EYA2: variants seen among roughly 807,000 people sequenced by gnomAD.
EYA2 encodes the protein protein phosphatase EYA2.
Under a neutral mutation model 69.2 loss-of-function variants are expected in EYA2, and 31 were observed. The observed-to-expected ratio is 0.45, with a 90% CI of 0.34 to 0.60. EYA2 has a LOEUF of 0.60. EYA2 is among the 20% of genes least tolerant of loss of function. The pLI, the probability that EYA2 is intolerant of heterozygous loss-of-function variation, is 0.02. For synonymous variants in EYA2, 257 were observed against 279.4 expected (o/e 0.92, Z 0.80); for missense variants, 622 against 701.2 (o/e 0.89, Z 1.28).
At chr20:46,908,794 C>T (rs758536189) in intron 1 of EYA2, among the ~76,000 whole-genome samples, 8 of 149,336 alleles carry the variant, frequency 5.4e-5, no homozygotes, top group Non-Finnish European at 8.9e-5. Flanking sequence ...TCATAGTGTA[C>T]GATCCCTCTC....
At chr20:46,898,413 A>G (rs1460077442) in intron 1 of EYA2, among the ~76,000 whole-genome samples, 1 of 151,790 alleles carries the variant, frequency 6.6e-6, no homozygotes, top group Non-Finnish European at 1.5e-5. Flanking sequence ...ACACACACAC[A>G]CACACACACA....
At chr20:46,994,698 T>G (rs1981901003) in intron 2 of EYA2, among the ~76,000 whole-genome samples, 1 of 152,078 alleles carries the variant, frequency 6.6e-6, no homozygotes, top group African/African-American at 2.4e-5. Context: ...CCTTTAAGGC[T>G]TTTGTAGCCG....
intron 1 of EYA2, among the ~76,000 whole-genome samples, chr20:46,902,849 C>T (rs1014450934): frequency 2.6e-5 from 4 of 152,184 alleles, no homozygotes; most frequent in Non-Finnish European, 5.9e-5. Flanking sequence ...CAGGGTTGAA[C>T]AGCCGTACTA....
intron 5 of EYA2, among the ~76,000 whole-genome samples, chr20:47,029,231 G>C (rs1390889120): frequency 6.6e-6 from 1 of 152,222 alleles, no homozygotes; most frequent in East Asian, 1.9e-4. Flanking sequence ...GATGTGTCCT[G>C]TCTCAGCCAC....
At chr20:46,980,083 G>C (rs1460432427) in intron 1 of EYA2, among the ~76,000 whole-genome samples, 1 of 152,154 alleles carries the variant, frequency 6.6e-6, no homozygotes, top group African/African-American at 2.4e-5. Flanking sequence ...AGTTGAAATT[G>C]TGATCCAGAG....
chr20:46,897,515 G>A (rs1207154499), intron 1 of EYA2, among the ~76,000 whole-genome samples: 3 of 152,186 alleles, frequency 2.0e-5, no homozygotes, highest in Non-Finnish European at 2.9e-5. Flanking sequence ...AAATCCAACC[G>A]TAACCAGCTC....
chr20:46,956,045 C>T (rs752372900), intron 1 of EYA2, among the ~76,000 whole-genome samples: 2 of 152,234 alleles, frequency 1.3e-5, no homozygotes, highest in Non-Finnish European at 2.9e-5. Flanking sequence ...CAGGCTATAA[C>T]TTGCCAACCC....
At chr20:47,143,242 T>G (rs1331719140) in intron 10 of EYA2, 94 bp downstream of exon 10, 9 of 1,090,536 alleles carry the variant, frequency 8.3e-6, no homozygotes, top group South Asian at 3.4e-5. Flanking sequence ...TTTCTTTTTC[T>G]TTTTCTTTTT....
At chr20:46,980,485 A>T (rs1265288833) in intron 1 of EYA2, among the ~76,000 whole-genome samples, 1 of 152,142 alleles carries the variant, frequency 6.6e-6, no homozygotes, top group Admixed American at 6.5e-5. Context: ...TTTTTTATTG[A>T]TACATAATAG....
At chr20:47,135,019 T>C (rs1286481014) in intron 9 of EYA2, among the ~76,000 whole-genome samples, 1 of 147,660 alleles carries the variant, frequency 6.8e-6, no homozygotes, top group African/African-American at 2.5e-5. Context: ...CCCAGCTACT[T>C]GGGAGGCTGA....
chr20:47,154,641 A>C (rs2146619059), intron 10 of EYA2, among the ~76,000 whole-genome samples: 1 of 152,084 alleles, frequency 6.6e-6, no homozygotes, highest in Non-Finnish European at 1.5e-5. Flanking sequence ...GCAGTGCCGC[A>C]GACAGTGGAC....
intron 1 of EYA2, among the ~76,000 whole-genome samples, chr20:46,940,089 A>G (rs979428405): frequency 6.6e-6 from 1 of 152,198 alleles, no homozygotes; most frequent in Non-Finnish European, 1.5e-5. Context: ...CTACCTGAGG[A>G]TGTCAGAAAT....
In EYA2 at chr20:47,170,156, C is replaced by T. The variant is rs550821752; in HGVS notation, c.1037+959C>T. Among the ~76,000 whole-genome samples, 4 of 152,044 alleles carry T rather than the reference C, an allele frequency of 2.6e-5. No homozygotes were observed. The East Asian group carries it at 7.8e-4, about 30-fold the overall frequency. On this transcript the variant is annotated intron_variant, in intron 11 of 15. Transcript: ENST00000327619. ...CTCCTAACCTCAAGTGATCTACCCACCTCAGCCTCCCAGAGTGCTGGGGTT... is the reference window on the plus strand; with the variant it reads ...CTCCTAACCTCAAGTGATCTACCCATCTCAGCCTCCCAGAGTGCTGGGGTT...
intron 10 of EYA2, among the ~76,000 whole-genome samples, chr20:47,155,083 C>T (rs527459208): frequency 9.2e-5 from 14 of 151,926 alleles, no homozygotes; most frequent in Middle Eastern, 3.4e-3. Context: ...CTCAAACTCC[C>T]GACCTCAAGT....
intron 2 of EYA2, among the ~76,000 whole-genome samples, chr20:46,998,984 C>T (rs1173232307): frequency 6.6e-6 from 1 of 152,084 alleles, no homozygotes; most frequent in African/African-American, 2.4e-5. Context: ...GGAGGGGAAC[C>T]TGTCTGCTGG....
chr20:46,948,743 G>T (rs1202797619), intron 1 of EYA2, among the ~76,000 whole-genome samples: 1 of 152,154 alleles, frequency 6.6e-6, no homozygotes. Flanking sequence ...TTCGTAAAAG[G>T]TTGACCCTAC....
intron 1 of EYA2, among the ~76,000 whole-genome samples, chr20:46,943,082 C>T (rs369619059): frequency 2.6e-5 from 4 of 152,164 alleles, no homozygotes; most frequent in Admixed American, 6.5e-5. Context: ...CTGAATTAAT[C>T]GGTGCAGAGC....
At chr20:46,974,678 T>A (rs1980345544) in intron 1 of EYA2, among the ~76,000 whole-genome samples, 1 of 151,866 alleles carries the variant, frequency 6.6e-6, no homozygotes, top group Non-Finnish European at 1.5e-5. Flanking sequence ...ACAGGAAGAG[T>A]CCTTGGTGTT....
chr20:47,129,369 A>T (rs746119726), intron 9 of EYA2, among the ~76,000 whole-genome samples: 28 of 152,190 alleles, frequency 1.8e-4, no homozygotes, highest in Non-Finnish European at 3.5e-4. Flanking sequence ...GTCAGAGAAG[A>T]CCTTTCTGGC....
Sources: allele counts gnomAD v4.1 joint callset (sites outside exome capture counted in the v4.1 genomes callset), GRCh38; gene constraint gnomAD v4.1.1; transcripts MANE v1.5; gene names NCBI Gene and HGNC (gene_info 2026-07-23, HGNC 2026-07-21).